GPHN: variants seen among roughly 807,000 people sequenced by gnomAD.
The protein encoded by GPHN is gephyrin.
In GPHN, 17 loss-of-function variants were observed where a neutral mutation model predicts 95.5. The ratio of observed to expected loss-of-function variants is 0.18; its 90% CI spans 0.12 to 0.27. The LOEUF (loss-of-function observed/expected upper bound fraction) is 0.27, where lower values mean the gene tolerates loss of function less well. Among genes scored for constraint, GPHN ranks in the 10% least tolerant of loss-of-function variants. The pLI, the probability that GPHN is intolerant of heterozygous loss-of-function variation, is 1.00. For missense variants in GPHN, 660 were observed against 978.1 expected, an observed-to-expected ratio of 0.67 and a Z score of 4.34; for synonymous variants, 320 against 322.5, an observed-to-expected ratio of 0.99 and a Z score of 0.08.
At chr14:67,148,663 C>G (rs2081051241) in intron 18 of GPHN, among the ~76,000 whole-genome samples, 3 of 147,922 alleles carry the variant, frequency 2.0e-5, no homozygotes. Flanking sequence ...CGGGTTCATG[C>G]CATTCTCCCA....
At chr14:66,863,480 T>G (rs1190760696) in intron 4 of GPHN, among the ~76,000 whole-genome samples, 1 of 151,998 alleles carries the variant, frequency 6.6e-6, no homozygotes, top group African/African-American at 2.4e-5. Flanking sequence ...ATAAAATTTA[T>G]CAGGAACCGC....
the GPHN span, among the ~76,000 whole-genome samples, chr14:67,731,885 G>C: frequency 6.6e-6 from 1 of 152,046 alleles, no homozygotes; most frequent in East Asian, 1.9e-4. Flanking sequence ...CCAGCACTTT[G>C]GGAGGCTGAG....
At position 66,961,945 on chromosome 14, in the gene GPHN, T is replaced by TAC. The variant is rs1445285468; in HGVS notation, c.829-3245_829-3244insCA. On this transcript the variant is annotated intron_variant, in intron 8 of 22. Transcript: ENST00000478722. ...ATATATATATATATATATATATATATATACACATATCTCCCAGAAATTTAC... is the reference window on the plus strand; with the variant it reads ...ATATATATATATATATATATATATATACATACACATATCTCCCAGAAATTTAC... Among the ~76,000 whole-genome samples, 156 of 79,086 alleles carry TAC rather than the reference T, an allele frequency of 2.0e-3. 2 individuals are homozygous for TAC. The highest frequency in any genetic ancestry group is 3.8e-3 in the Admixed American group (24 of 6,352). The allele number at this position is 79,086 out of a possible 152,430, so 51.9% of individuals were successfully genotyped here.
At chr14:66,716,909 G>C (rs1595669834) in intron 2 of GPHN, among the ~76,000 whole-genome samples, 1 of 152,122 alleles carries the variant, frequency 6.6e-6, no homozygotes, top group African/African-American at 2.4e-5. Context: ...TCCCTTTATA[G>C]GTTACCTGGT....
chr14:67,386,147 C>G, the GPHN span: 12 of 152,494 alleles, frequency 7.9e-5, no homozygotes, highest in African/African-American at 2.9e-4. Flanking sequence ...GAACACCTAT[C>G]GATATTCAAA....
At chr14:67,647,035 T>A in the GPHN span, 1 of 1,570,938 alleles carries the variant, frequency 6.4e-7, no homozygotes, top group African/African-American at 1.3e-5. Flanking sequence ...AGTAAGTAAC[T>A]ATAACTGATG....
At chr14:66,588,187 G>GCATCAA (rs1174150797) in intron 1 of GPHN, among the ~76,000 whole-genome samples, 13 of 152,102 alleles carry the variant, frequency 8.5e-5, no homozygotes, top group Non-Finnish European at 1.6e-4. Context: ...GAAAGGAATA[G>GCATCAA]CATCAACATC....
At chr14:66,638,334 T>C (rs2064212396) in intron 1 of GPHN, among the ~76,000 whole-genome samples, 1 of 152,098 alleles carries the variant, frequency 6.6e-6, no homozygotes, top group Admixed American at 6.5e-5. Context: ...CTCAGGAGGC[T>C]GAGGCAGAAG....
intron 11 of GPHN, among the ~76,000 whole-genome samples, chr14:67,074,025 T>C (rs2076405402): frequency 1.3e-5 from 2 of 152,306 alleles, no homozygotes; most frequent in South Asian, 2.1e-4. Flanking sequence ...TTTTGTCTAG[T>C]TGGTCTTTCA....
At chr14:66,712,179 A>G (rs1459360286) in intron 2 of GPHN, among the ~76,000 whole-genome samples, 3 of 152,152 alleles carry the variant, frequency 2.0e-5, no homozygotes, top group Admixed American at 6.5e-5. Context: ...GTCTTCCACA[A>G]TGGTTGAACT....
chr14:66,936,428 C>T (rs2067138690), intron 8 of GPHN, among the ~76,000 whole-genome samples: 1 of 151,672 alleles, frequency 6.6e-6, no homozygotes, highest in East Asian at 1.9e-4. Flanking sequence ...GTTTGAAATA[C>T]TTAAGTGATA....
chr14:67,059,649 T>C lies in GPHN; in HGVS notation c.1144+863T>C, dbSNP rs572253035. 4.6e-5 allele frequency among the ~76,000 whole-genome samples: 7 copies of C among 152,314 alleles called. No homozygotes were observed. The South Asian group carries it at 8.3e-4, about 18-fold the overall frequency. ...TAGGATTAAGGTCTCAAGATTTACA[T>C]TCTTCCTTTTACTACATAATTGTGC... On this transcript the variant is annotated intron_variant, in intron 11 of 22. Coordinates refer to ENST00000478722, the MANE Select transcript of GPHN (RefSeq NM_020806.5).
intron 2 of GPHN, among the ~76,000 whole-genome samples, chr14:66,748,215 A>AG (rs2153446190): frequency 6.6e-6 from 1 of 152,236 alleles, no homozygotes; most frequent in African/African-American, 2.4e-5. Flanking sequence ...TGCAAAAAAA[A>AG]TACTTTTACT....
chr14:67,045,390 CTCT>C (rs1468278586), intron 10 of GPHN, among the ~76,000 whole-genome samples: 7 of 151,140 alleles, frequency 4.6e-5, no homozygotes, highest in African/African-American at 1.5e-4. Flanking sequence ...CTCTGTCTCC[CTCT>C]CTGTCTCTCT....
the GPHN span, among the ~76,000 whole-genome samples, chr14:67,431,871 A>G: frequency 2.4e-4 from 36 of 152,302 alleles, no homozygotes; most frequent in East Asian, 2.1e-3. Flanking sequence ...TGAGCTTGGA[A>G]CTGGAGCACA....
At chr14:67,142,955 G>C in intron 17 of GPHN, 2 of 288,074 alleles carry the variant, frequency 6.9e-6, no homozygotes, top group South Asian at 7.6e-5. Flanking sequence ...TCTCTAAAGA[G>C]TCCTATGTGA....
chr14:67,063,450 C>T (rs573404321), intron 11 of GPHN, among the ~76,000 whole-genome samples: 9 of 151,830 alleles, frequency 5.9e-5, no homozygotes, highest in African/African-American at 2.2e-4. Context: ...TTAAAGTAGC[C>T]TTTTCCAATT....
chr14:67,447,996 T>C, the GPHN span: 1 of 152,096 alleles, frequency 6.6e-6, no homozygotes, highest in South Asian at 2.1e-4. Flanking sequence ...GAATCACCAC[T>C]TGGGGGAGAG....
chr14:66,870,923 T>C (rs1258183771), intron 4 of GPHN, among the ~76,000 whole-genome samples: 1 of 152,188 alleles, frequency 6.6e-6, no homozygotes, highest in Non-Finnish European at 1.5e-5. Context: ...TCTGATTTCA[T>C]ACCACAGAAG....
Sources: gnomAD v4.1 joint callset for allele counts (sites outside exome capture counted in the v4.1 genomes callset) on GRCh38, gnomAD v4.1.1 for gene constraint, MANE v1.5 for transcripts, NCBI Gene and HGNC (gene_info 2026-07-23, HGNC 2026-07-21) for gene names.